Variants in CENPW observed in about 807,000 individuals in gnomAD.
CENPW encodes the protein centromere protein W.
Under a neutral mutation model 11.1 loss-of-function variants are expected in CENPW, and 3 were observed. That is an observed-to-expected ratio of 0.27 (90% CI 0.12 to 0.70). The LOEUF is 0.70. CENPW is among the 30% of genes least tolerant of loss of function. The pLI is 0.77. For missense variants in CENPW, 100 were observed against 105.6 expected (o/e 0.95, Z 0.23); for synonymous variants, 38 against 42.0 (o/e 0.91, Z 0.37).
the CENPW span, among the ~76,000 whole-genome samples, chr6:126,356,463 A>G: frequency 6.6e-6 from 1 of 152,220 alleles, no homozygotes; most frequent in Non-Finnish European, 1.5e-5. Flanking sequence ...TAAATTTTTG[A>G]GACATTTAAT....
chr6:126,387,218 CT>C, the CENPW span, among the ~76,000 whole-genome samples: 1 of 151,682 alleles, frequency 6.6e-6, no homozygotes, highest in African/African-American at 2.4e-5. Context: ...TTATTATAAT[CT>C]TTTTTTGGAT....
the CENPW span, among the ~76,000 whole-genome samples, chr6:126,415,399 T>C: frequency 6.6e-6 from 1 of 152,186 alleles, no homozygotes; most frequent in Non-Finnish European, 1.5e-5. Flanking sequence ...ATAAATATTA[T>C]TTAAATAATG....
At chr6:126,347,688 G>A (rs1780435799) in intron 2 of CENPW, among the ~76,000 whole-genome samples, 1 of 151,850 alleles carries the variant, frequency 6.6e-6, no homozygotes, top group African/African-American at 2.4e-5. Context: ...CACTATTAAA[G>A]TCAATGTAAA....
chr6:126,464,414 C>G, the CENPW span, among the ~76,000 whole-genome samples: 3 of 151,980 alleles, frequency 2.0e-5, no homozygotes, highest in Non-Finnish European at 4.4e-5. Flanking sequence ...GTGTCTGTGA[C>G]TAAGAGATTA....
the CENPW span, among the ~76,000 whole-genome samples, chr6:126,357,257 C>G: frequency 6.6e-6 from 1 of 152,116 alleles, no homozygotes; most frequent in Non-Finnish European, 1.5e-5. Flanking sequence ...AGCTTTATTT[C>G]TGGGTTTTCT....
chr6:126,409,557 T>A, the CENPW span, among the ~76,000 whole-genome samples: 382 of 152,052 alleles, frequency 2.5e-3, 1 homozygote, highest in African/African-American at 8.1e-3. Context: ...TTCCTTTATA[T>A]GTAATAATAT....
the CENPW span, among the ~76,000 whole-genome samples, chr6:126,480,938 T>C: frequency 4.7e-4 from 72 of 151,922 alleles, no homozygotes; most frequent in Non-Finnish European, 8.0e-4. Flanking sequence ...TTCTAAATTT[T>C]TTTACCCCAG....
chr6:126,438,381 G>A, the CENPW span, among the ~76,000 whole-genome samples: 83 of 151,716 alleles, frequency 5.5e-4, no homozygotes, highest in African/African-American at 1.9e-3. Flanking sequence ...GGCTCCTAAT[G>A]ACTAAAAGTA....
At chr6:126,472,877 C>A in the CENPW span, among the ~76,000 whole-genome samples, 3 of 152,104 alleles carry the variant, frequency 2.0e-5, no homozygotes, top group African/African-American at 4.8e-5. Flanking sequence ...ATTTTAATTT[C>A]TATATCCTTA....
chr6:126,394,909 T>G, the CENPW span, among the ~76,000 whole-genome samples: 2 of 152,132 alleles, frequency 1.3e-5, no homozygotes, highest in Non-Finnish European at 2.9e-5. Context: ...CGGTTTGCAC[T>G]GAAATGTCTG....
the CENPW span, among the ~76,000 whole-genome samples, chr6:126,411,354 A>T: frequency 6.6e-6 from 1 of 152,130 alleles, no homozygotes; most frequent in South Asian, 2.1e-4. Context: ...ATGTCTTTCT[A>T]TTCCTGTTTT....
the CENPW span, among the ~76,000 whole-genome samples, chr6:126,388,221 A>T: frequency 6.6e-6 from 1 of 152,106 alleles, no homozygotes; most frequent in Middle Eastern, 3.4e-3. Flanking sequence ...CAGTTGTTTT[A>T]TTGTGTTTTC....
At chr6:126,437,474 T>G in the CENPW span, among the ~76,000 whole-genome samples, 1 of 151,888 alleles carries the variant, frequency 6.6e-6, no homozygotes, top group South Asian at 2.1e-4. Flanking sequence ...GGCTCCTTGG[T>G]TGGTGGAAAG....
chr6:126,464,715 G>A, the CENPW span, among the ~76,000 whole-genome samples: 5 of 152,102 alleles, frequency 3.3e-5, no homozygotes, highest in Non-Finnish European at 5.9e-5. Flanking sequence ...GCGATTTTGG[G>A]ACTTGGACTA....
chr6:126,462,033 G>T, the CENPW span, among the ~76,000 whole-genome samples: 1 of 151,956 alleles, frequency 6.6e-6, no homozygotes, highest in Admixed American at 6.6e-5. Context: ...TCTCCTAGGA[G>T]AATTTTTCAT....
chr6:126,357,137 A>G, the CENPW span, among the ~76,000 whole-genome samples: 2 of 152,038 alleles, frequency 1.3e-5, no homozygotes, highest in East Asian at 3.9e-4. Context: ...AGTGCAGTTT[A>G]ATCTTTCTGC....
the CENPW span, among the ~76,000 whole-genome samples, chr6:126,403,016 A>G: frequency 6.6e-6 from 1 of 152,082 alleles, no homozygotes. Flanking sequence ...CATACACAAT[A>G]TTATTATGTC....
chr6:126,451,149 A>T, the CENPW span, among the ~76,000 whole-genome samples: 1 of 151,050 alleles, frequency 6.6e-6, no homozygotes, highest in Non-Finnish European at 1.5e-5. Context: ...AAAGTTAAAT[A>T]TTAGAAATTT....
chr6:126,380,393 C>T, the CENPW span, among the ~76,000 whole-genome samples: 1 of 152,184 alleles, frequency 6.6e-6, no homozygotes, highest in Non-Finnish European at 1.5e-5. Context: ...AATGAGAACT[C>T]AGATCTGGTG....
Sources: gnomAD v4.1 joint callset for allele counts (sites outside exome capture counted in the v4.1 genomes callset) on GRCh38, gnomAD v4.1.1 for gene constraint, MANE v1.5 for transcripts, NCBI Gene and HGNC (gene_info 2026-07-23, HGNC 2026-07-21) for gene names.